The following KCNH8 variants were observed in gnomAD, a reference collection of about 807,000 sequenced individuals.
KCNH8 encodes the protein potassium voltage-gated channel subfamily H member 8, also known as voltage-gated delayed rectifier potassium channel KCNH8.
A neutral mutation model predicts 103.6 loss-of-function variants in KCNH8; 70 were observed. That is an observed-to-expected ratio of 0.68 (90% CI 0.56 to 0.82). The LOEUF is 0.82. Ranked by LOEUF, KCNH8 falls within the 40% of genes least tolerant of loss-of-function variation. The pLI is 0.00. For synonymous variants in KCNH8, 498 were observed against 489.4 expected, an observed-to-expected ratio of 1.02 and a Z score of -0.23; for missense variants, 1,217 against 1,329.9, an observed-to-expected ratio of 0.92 and a Z score of 1.32.
In KCNH8 at chr3:19,198,631, G is replaced by A. The variant is rs550240732; in HGVS notation, c.76+49836G>A. Among the ~76,000 whole-genome samples the A allele has an allele frequency of 7.2e-5, 11 of 151,884 alleles. No individual in the cohort carries two copies. The East Asian group carries it at 1.4e-3, about 19-fold the overall frequency. The stretch of plus-strand genomic sequence containing the variant: ...ATAGAAGTAAGGATATATTTTGCAC[G>A]GACAGAATTAATATGATAGTGACCC... On this transcript the variant is annotated intron_variant, in intron 1 of 15. Transcript: ENST00000328405.
chr3:19,302,904 AAAT>A (rs2065081759), intron 3 of KCNH8, among the ~76,000 whole-genome samples: 1 of 152,192 alleles, frequency 6.6e-6, no homozygotes, highest in Admixed American at 6.6e-5. Context: ...TGACTCTTAA[AAAT>A]AATTATGACT....
intron 1 of KCNH8, among the ~76,000 whole-genome samples, chr3:19,251,079 A>G (rs1005367653): frequency 6.6e-6 from 1 of 152,148 alleles, no homozygotes; most frequent in African/African-American, 2.4e-5. Flanking sequence ...GGAGAGACAC[A>G]CACTATTGTT....
chr3:19,465,160 G>C lies in KCNH8; in HGVS notation c.2040+8178G>C, dbSNP rs79009425. 1.1e-4 allele frequency among the ~76,000 whole-genome samples: 17 copies of C among 152,318 alleles called. No homozygotes were observed. The East Asian group carries it at 3.3e-3, about 29-fold the overall frequency. ...GCCATCTAGGAATTTCATAGCTAGA[G>C]AAGTCAGTGCCTGGCTTCAAATCTT... On this transcript the variant is annotated intron_variant, in intron 11 of 15. Coordinates refer to ENST00000328405, the MANE Select transcript of KCNH8 (RefSeq NM_144633.3).
chr3:19,424,832 CA>C (rs1010168098), intron 7 of KCNH8, among the ~76,000 whole-genome samples: 1 of 152,050 alleles, frequency 6.6e-6, no homozygotes, highest in African/African-American at 2.4e-5. Flanking sequence ...GGCCAACAAA[CA>C]TATAAAAAAG....
intron 11 of KCNH8, among the ~76,000 whole-genome samples, chr3:19,473,632 T>C (rs780652484): frequency 2.0e-4 from 30 of 152,352 alleles, no homozygotes; most frequent in Non-Finnish European, 1.2e-4. Context: ...TTTTACTTTC[T>C]TCCCAGACTG....
At chr3:19,158,436 T>C (rs1214191125) in intron 1 of KCNH8, among the ~76,000 whole-genome samples, 2 of 151,786 alleles carry the variant, frequency 1.3e-5, no homozygotes, top group African/African-American at 4.8e-5. Flanking sequence ...TGTACTTATT[T>C]GGAAGTCTGT....
At chr3:19,533,310 A>G (rs2069199081) in intron 15 of KCNH8, 85 bp from the exon 16 acceptor site, 1 of 808,672 alleles carries the variant, frequency 1.2e-6, no homozygotes, top group South Asian at 1.7e-5. Flanking sequence ...CGAAAGAAAT[A>G]TCACTTCCCT....
At position 19,513,172 on chromosome 3, in the gene KCNH8, T is replaced by C; in HGVS notation, c.2282T>C (p.Val761Ala). The C allele has an allele frequency of 3.1e-6, 5 of 1,613,926 alleles. No individual in the cohort carries two copies. Among genetic ancestry groups the C allele is most frequent in the Non-Finnish European group, 4.2e-6 (5 of 1,179,934 alleles). Residue 761 changes from valine to alanine, a missense_variant, in exon 13 of 16, where the codon GTG becomes GCG. Val to Ala is a moderately conservative substitution (Grantham distance 64). Around this residue, in one of 3 missense-constraint regions of KCNH8, gnomAD observed 558 missense variants for 495.8 expected, o/e 1.13. Coordinates refer to ENST00000328405, the MANE Select transcript of KCNH8 (RefSeq NM_144633.3). ...LSLKQLASGT[V>A]PFHSPIRVSR... ...TTAAAGCAACTGGCCTCGGGAACGG[T>C]GCCCTTTCACTCGCCTATCAGAGTC...
At chr3:19,178,604 G>T (rs989487802) in intron 1 of KCNH8, among the ~76,000 whole-genome samples, 3 of 152,134 alleles carry the variant, frequency 2.0e-5, no homozygotes, top group Non-Finnish European at 2.9e-5. Flanking sequence ...TTTAGACTGA[G>T]ATTTGAATTC....
chr3:19,317,506 A>G (rs926934830), intron 3 of KCNH8, among the ~76,000 whole-genome samples: 1 of 151,936 alleles, frequency 6.6e-6, no homozygotes, highest in East Asian at 1.9e-4. Context: ...TAATTTGGAC[A>G]TGCTATTTAA....
rs185618306 is a variant in KCNH8, at chr3:19,348,105, A to G, written c.811+140A>G. The G allele has an allele frequency of 3.1e-6, 3 of 965,440 alleles. No homozygotes were observed. The African/African-American group carries it at 4.9e-5, about 16-fold the overall frequency. The allele number at this position is 965,440 out of a possible 1,614,324, so 59.8% of individuals were successfully genotyped here. ...TCTGTTGCAAATTTTGGAGAAGCACATACTGTATTTGGATTTCTGAAAATT... is the reference window on the plus strand; with the variant it reads ...TCTGTTGCAAATTTTGGAGAAGCACGTACTGTATTTGGATTTCTGAAAATT... On this transcript the variant is annotated intron_variant, in intron 5 of 15. Coordinates refer to ENST00000328405, the MANE Select transcript of KCNH8 (RefSeq NM_144633.3).
Position 19,515,352 on chromosome 3 carries a change from C to T in KCNH8, c.2466C>T (p.Ser822=). The T allele has an allele frequency of 1.3e-6, 2 of 1,586,478 alleles. No homozygotes were observed. Among genetic ancestry groups the T allele is most frequent in the Non-Finnish European group, 1.7e-6 (2 of 1,166,034 alleles). ...RIVDGIEDGN[S]SEESQTFDFG... is the part of the protein sequence containing the mutation. ...TTGATGGAATTGAAGATGGAAACAG[C>T]AGTGAAGAAAGTCAGACTTTTGATT... The change falls in exon 14 of 16, where the codon AGC becomes AGT. Residue 822 remains serine (S), a synonymous_variant. Transcript: ENST00000328405.
intron 5 of KCNH8, among the ~76,000 whole-genome samples, chr3:19,374,868 T>C (rs2066166331): frequency 6.6e-6 from 1 of 152,160 alleles, no homozygotes; most frequent in South Asian, 2.1e-4. Flanking sequence ...CTTATGAAGC[T>C]TAGTTTGGCT....
chr3:19,175,124 T>A (rs1380919795), intron 1 of KCNH8, among the ~76,000 whole-genome samples: 1 of 152,224 alleles, frequency 6.6e-6, no homozygotes, highest in Admixed American at 6.5e-5. Flanking sequence ...ACAGTTTGCC[T>A]TTGTCTAAAT....
At chr3:19,262,990 G>A (rs532924656) in intron 2 of KCNH8, among the ~76,000 whole-genome samples, 3 of 152,132 alleles carry the variant, frequency 2.0e-5, no homozygotes, top group African/African-American at 7.2e-5. Flanking sequence ...TTTTTATAAA[G>A]TTCTCCTCAG....
chr3:19,281,161 A>G (rs753258532), intron 2 of KCNH8, 37 bp from the exon 3 acceptor site: 10 of 1,597,508 alleles, frequency 6.3e-6, no homozygotes, highest in Non-Finnish European at 7.7e-6. Flanking sequence ...ACACAAGGCA[A>G]TGGTTGATTT....
rs186654534 is a variant in KCNH8, at chr3:19,291,664, G to C, written c.442+10335G>C. ...TTGCTGAGGAGAGCTTTACTTCCAAGTATGTGGTCAATTTTGGAATAGGTG... is the reference window on the plus strand; with the variant it reads ...TTGCTGAGGAGAGCTTTACTTCCAACTATGTGGTCAATTTTGGAATAGGTG... On this transcript the variant is annotated intron_variant, in intron 3 of 15. Coordinates refer to ENST00000328405, the MANE Select transcript of KCNH8 (RefSeq NM_144633.3). 4.1e-3 allele frequency among the ~76,000 whole-genome samples: 623 copies of C among 152,254 alleles called. 3 individuals are homozygous for C. Among genetic ancestry groups the C allele is most frequent in the Non-Finnish European group, 7.0e-3 (477 of 68,020 alleles).
chr3:19,254,160 G>A lies in KCNH8; in HGVS notation c.310+273G>A, dbSNP rs534454654. Among the ~76,000 whole-genome samples, 69 of 151,728 alleles carry A rather than the reference G, an allele frequency of 4.5e-4. 1 individual carries two copies. The South Asian group carries it at 0.012, about 26-fold the overall frequency. On this transcript the variant is annotated intron_variant, in intron 2 of 15. Transcript: ENST00000328405. The stretch of plus-strand genomic sequence containing the variant: ...GTTAATATATGTTAAAATAAAGTAC[G>A]TTACTATTATATTTTGGTAATTCTT...
At chr3:19,412,683 C>G (rs1490679993) in intron 7 of KCNH8, among the ~76,000 whole-genome samples, 2 of 151,524 alleles carry the variant, frequency 1.3e-5, no homozygotes, top group Non-Finnish European at 2.9e-5. Context: ...TTAAACAATT[C>G]AACAAGCAAA....
Sources: gnomAD v4.1 joint callset for allele counts (sites outside exome capture counted in the v4.1 genomes callset) on GRCh38, gnomAD v4.1.1 for gene constraint, gnomAD v4.1.1 regional missense constraint, MANE v1.5 for transcripts, NCBI Gene and HGNC (gene_info 2026-07-23, HGNC 2026-07-21) for gene names.